STOX2: variants seen among roughly 807,000 people sequenced by gnomAD.
STOX2 encodes storkhead-box protein 2.
Under a neutral mutation model 60.9 loss-of-function variants are expected in STOX2, and 28 were observed. The ratio of observed to expected loss-of-function variants is 0.46; its 90% CI spans 0.34 to 0.63. The LOEUF is 0.63. Among genes scored for constraint, STOX2 ranks in the 30% least tolerant of loss-of-function variants. The pLI is 0.01. For synonymous variants in STOX2, 472 were observed against 463.9 expected, an observed-to-expected ratio of 1.02 and a Z score of -0.22; for missense variants, 1,024 against 1,187.7, an observed-to-expected ratio of 0.86 and a Z score of 2.03.
chr4:183,963,530 G>A (rs1743472503), intron 1 of STOX2, among the ~76,000 whole-genome samples: 1 of 149,356 alleles, frequency 6.7e-6, no homozygotes, highest in Non-Finnish European at 1.5e-5. Flanking sequence ...GGGTTCAAAC[G>A]ATTCTCATGC....
chr4:183,906,825 C>T lies in STOX2; in HGVS notation c.35C>T (p.Ala12Val). ...KKTRSTTLRR[A>V]WPSSDFSDRA... is the part of the protein sequence containing the mutation. ...ACCCGGAGCACAACCTTGCGGCGAG[C>T]CTGGCCTAGCTCGGATTTCTCGGAC... The change falls in exon 1 of 4, where the codon GCC (alanine) becomes GTC (valine). Residue 12 changes from alanine (A) to valine (V), a missense_variant. Coordinates refer to ENST00000308497, the MANE Select transcript of STOX2 (RefSeq NM_020225.3). 1 of 1,557,442 alleles carries T rather than the reference C, an allele frequency of 6.4e-7. No homozygotes were observed. The highest frequency in any genetic ancestry group is 8.7e-7 in the Non-Finnish European group (1 of 1,150,756).
chr4:183,832,051 G>GTGA (rs1323593975), intron 1 of STOX2, among the ~76,000 whole-genome samples: 1 of 150,472 alleles, frequency 6.6e-6, no homozygotes, highest in Admixed American at 6.6e-5. Flanking sequence ...GTGCAATGGA[G>GTGA]TGATCTTGGC....
chr4:183,940,235 C>G (rs1050915872), intron 1 of STOX2, among the ~76,000 whole-genome samples: 3 of 152,098 alleles, frequency 2.0e-5, no homozygotes, highest in Non-Finnish European at 4.4e-5. Flanking sequence ...TCAAGACGCC[C>G]GGGTTCCCTG....
At chr4:183,875,851 G>A (rs1740817100) in intron 1 of STOX2, among the ~76,000 whole-genome samples, 1 of 152,204 alleles carries the variant, frequency 6.6e-6, no homozygotes, top group South Asian at 2.1e-4. Flanking sequence ...CCGAGCAGCT[G>A]TGACCACAGA....
At chr4:183,826,232 G>C (rs1038631002) in intron 1 of STOX2, among the ~76,000 whole-genome samples, 1 of 152,126 alleles carries the variant, frequency 6.6e-6, no homozygotes, top group African/African-American at 2.4e-5. Context: ...TCTGGTTTTG[G>C]TCTTTTTTCC....
At chr4:183,924,581 C>G (rs778599706) in intron 1 of STOX2, among the ~76,000 whole-genome samples, 6 of 152,100 alleles carry the variant, frequency 3.9e-5, no homozygotes, top group Non-Finnish European at 7.4e-5. Flanking sequence ...GAGGAGCTGT[C>G]GGGTTATTCT....
chr4:183,874,492 G>A (rs1740765522), intron 1 of STOX2, among the ~76,000 whole-genome samples: 1 of 152,160 alleles, frequency 6.6e-6, no homozygotes, highest in South Asian at 2.1e-4. Context: ...GTCTCAGGAG[G>A]ACTGAAGATT....
chr4:183,939,582 CT>C, intron 1 of STOX2, among the ~76,000 whole-genome samples: 1 of 152,134 alleles, frequency 6.6e-6, no homozygotes, highest in Non-Finnish European at 1.5e-5. Flanking sequence ...CACTCAGCGA[CT>C]ACAGATGGTC....
At chr4:183,945,406 ATTAT>A (rs144550945) in intron 1 of STOX2, among the ~76,000 whole-genome samples, 4,087 of 152,228 alleles carry the variant, frequency 0.027, 172 homozygotes, top group African/African-American at 0.093. Flanking sequence ...GACTTAATTG[ATTAT>A]TTATTGATTA....
intron 1 of STOX2, among the ~76,000 whole-genome samples, chr4:183,890,099 C>T (rs768715749): frequency 2.0e-5 from 3 of 152,172 alleles, no homozygotes; most frequent in Non-Finnish European, 4.4e-5. Flanking sequence ...CATACACCTG[C>T]GCATACCATT....
rs1734606664 is a variant in STOX2 at position 184,021,894 on chromosome 4, C to T, written c.*4610C>T. ...ACCAACTAGCCACGTGCTGCCAGAC[C>T]TCAGTGGGCCCAAGCAGGAGCAATC... On this transcript the variant is annotated 3_prime_UTR_variant, in exon 4 of 4. Coordinates refer to ENST00000308497, the MANE Select transcript of STOX2 (RefSeq NM_020225.3). 1 of 152,364 alleles carries T rather than the reference C, an allele frequency of 6.6e-6. No homozygotes were observed. Among genetic ancestry groups the T allele is most frequent in the Non-Finnish European group, 1.5e-5 (1 of 68,216 alleles). 9.4% of individuals were successfully genotyped at this position (152,364 alleles called of 1,614,324 possible). A position where few individuals can be genotyped will look rare whatever the true frequency, so the allele number is the denominator to read the frequency against.
intron 1 of STOX2, among the ~76,000 whole-genome samples, chr4:183,863,931 G>T (rs1740507502): frequency 6.6e-6 from 1 of 152,194 alleles, no homozygotes; most frequent in African/African-American, 2.4e-5. Flanking sequence ...GTGTCTGGTT[G>T]ACTTTAATTC....
intron 1 of STOX2, among the ~76,000 whole-genome samples, chr4:183,811,317 A>C (rs1235744285): frequency 1.3e-5 from 2 of 152,228 alleles, no homozygotes; most frequent in African/African-American, 4.8e-5. Context: ...AGAATTCAAA[A>C]GCAGAAAGGT....
At chr4:183,850,678 G>A (rs1020089056) in intron 1 of STOX2, among the ~76,000 whole-genome samples, 18 of 151,870 alleles carry the variant, frequency 1.2e-4, no homozygotes, top group African/African-American at 3.1e-4. Context: ...GCAGTAAGCC[G>A]AGATCACACC....
At chr4:183,993,952 A>G (rs1289538897) in intron 1 of STOX2, among the ~76,000 whole-genome samples, 1 of 152,228 alleles carries the variant, frequency 6.6e-6, no homozygotes, top group Non-Finnish European at 1.5e-5. Context: ...TTTTTAGAAC[A>G]GCTTTTTAAA....
intron 1 of STOX2, among the ~76,000 whole-genome samples, chr4:183,960,023 A>G (rs762709686): frequency 2.0e-5 from 3 of 152,252 alleles, no homozygotes; most frequent in Non-Finnish European, 4.4e-5. Flanking sequence ...CATGCAAAAC[A>G]TAGTTCTAAA....
At chr4:183,992,259 C>T (rs1203641571) in intron 1 of STOX2, among the ~76,000 whole-genome samples, 1 of 152,170 alleles carries the variant, frequency 6.6e-6, no homozygotes, top group Admixed American at 6.5e-5. Context: ...GCCTTCCTGT[C>T]CTATTACAAT....
chr4:183,900,790 A>G (rs1353665142), upstream of STOX2, among the ~76,000 whole-genome samples: 1 of 152,212 alleles, frequency 6.6e-6, no homozygotes, highest in Non-Finnish European at 1.5e-5. Flanking sequence ...AGCCCTACTT[A>G]GAAACATCTT....
At chr4:183,917,036 C>A (rs1372839142) in intron 1 of STOX2, among the ~76,000 whole-genome samples, 1 of 152,326 alleles carries the variant, frequency 6.6e-6, no homozygotes, top group East Asian at 1.9e-4. Flanking sequence ...AGACTGGAAG[C>A]TCTTTCAGGC....
Sources: gnomAD v4.1 joint callset for allele counts (sites outside exome capture counted in the v4.1 genomes callset) on GRCh38, gnomAD v4.1.1 for gene constraint, MANE v1.5 for transcripts, NCBI Gene and HGNC (gene_info 2026-07-23, HGNC 2026-07-21) for gene names.